The following TMCO4 variants were observed in gnomAD, a reference collection of about 807,000 sequenced individuals.
TMCO4 encodes transmembrane and coiled-coil domains 4.
TMCO4 carries 58 observed loss-of-function variants against 64.7 expected under a neutral mutation model. That is an observed-to-expected ratio of 0.90 (90% CI 0.73 to 1.12). The LOEUF is 1.12. Among genes scored for constraint, TMCO4 ranks in the 50% most tolerant of loss-of-function variants. The pLI is 0.00. For missense variants in TMCO4, 780 were observed against 825.9 expected (o/e 0.94, Z 0.68); for synonymous variants, 325 against 346.1 (o/e 0.94, Z 0.68).
intron 5 of TMCO4, 74 bp downstream of exon 5, chr1:19,771,234 T>C: frequency 1.3e-6 from 2 of 1,529,708 alleles, no homozygotes; most frequent in East Asian, 2.3e-5. Flanking sequence ...CTAGAAGTGA[T>C]TTTTTAGGCT....
At chr1:19,780,324 C>A (rs1211237576) in intron 4 of TMCO4, among the ~76,000 whole-genome samples, 1 of 152,144 alleles carries the variant, frequency 6.6e-6, no homozygotes, top group African/African-American at 2.4e-5. Flanking sequence ...TCATAAAATG[C>A]TTAGAACAGG....
At chr1:19,767,203 A>C (rs1046103565) in intron 6 of TMCO4, among the ~76,000 whole-genome samples, 1 of 152,110 alleles carries the variant, frequency 6.6e-6, no homozygotes, top group African/African-American at 2.4e-5. Flanking sequence ...TTAGGCAATT[A>C]CTTCACTTCT....
At chr1:19,705,832 C>T (rs1019857473) in intron 13 of TMCO4, among the ~76,000 whole-genome samples, 1 of 151,902 alleles carries the variant, frequency 6.6e-6, no homozygotes, top group Non-Finnish European at 1.5e-5. Context: ...TGGTTCAAAA[C>T]CTTATAATAC....
intron 3 of TMCO4, among the ~76,000 whole-genome samples, chr1:19,781,004 G>C (rs2043446400): frequency 6.6e-6 from 1 of 152,002 alleles, no homozygotes; most frequent in Non-Finnish European, 1.5e-5. Context: ...ACTAACTCCA[G>C]TAAGTCATTA....
intron 12 of TMCO4, chr1:19,738,485 A>G (rs1001593768): frequency 2.0e-5 from 3 of 152,270 alleles, no homozygotes; most frequent in African/African-American, 7.2e-5. Flanking sequence ...GAGCTGTAAA[A>G]TAGTACATTT....
At chr1:19,788,233 C>T (rs2043842454) in intron 2 of TMCO4, among the ~76,000 whole-genome samples, 1 of 152,162 alleles carries the variant, frequency 6.6e-6, no homozygotes, top group East Asian at 1.9e-4. Flanking sequence ...TGAGTCCAAT[C>T]GTGTTAAAGC....
chr1:19,713,050 G>C (rs1352208310), intron 13 of TMCO4, among the ~76,000 whole-genome samples: 1 of 152,152 alleles, frequency 6.6e-6, no homozygotes, highest in African/African-American at 2.4e-5. Context: ...CTAGGAGAGA[G>C]TGGAATTCAC....
At chr1:19,733,318 T>C (rs372885242) in intron 13 of TMCO4, among the ~76,000 whole-genome samples, 31 of 152,220 alleles carry the variant, frequency 2.0e-4, no homozygotes, top group East Asian at 1.9e-3. Context: ...GTGGTGCCCA[T>C]GTTAAAAGGA....
intron 9 of TMCO4, 137 bp downstream of exon 9, chr1:19,746,319 G>T (rs2100880361): frequency 7.6e-7 from 1 of 1,320,468 alleles, no homozygotes; most frequent in Non-Finnish European, 1.0e-6. Context: ...GGAAGGCTGG[G>T]ACCCAGAGTG....
intron 13 of TMCO4, among the ~76,000 whole-genome samples, chr1:19,709,223 T>C (rs770829480): frequency 5.1e-4 from 78 of 151,900 alleles, no homozygotes; most frequent in Admixed American, 3.9e-4. Flanking sequence ...TCATCTCTCC[T>C]CTTTGATTCC....
At chr1:19,709,038 C>A (rs888886441) in intron 13 of TMCO4, among the ~76,000 whole-genome samples, 1 of 151,936 alleles carries the variant, frequency 6.6e-6, no homozygotes, top group African/African-American at 2.4e-5. Flanking sequence ...ATGATAGACA[C>A]GTAGAGAGAG....
chr1:19,737,668 G>A (rs2095461575), intron 12 of TMCO4, among the ~76,000 whole-genome samples: 1 of 152,248 alleles, frequency 6.6e-6, no homozygotes, highest in Non-Finnish European at 1.5e-5. Flanking sequence ...GCTGGAATTG[G>A]CTTCCTCCAA....
chr1:19,747,056 GCCACCT>G, intron 8 of TMCO4, 101 bp downstream of exon 8: 1 of 1,134,136 alleles, frequency 8.8e-7, no homozygotes, highest in Non-Finnish European at 1.3e-6. Flanking sequence ...CATGCCAGGG[GCCACCT>G]CCCAGCTGAG....
chr1:19,700,546 C>A (rs1020623555), intron 14 of TMCO4, among the ~76,000 whole-genome samples: 7 of 147,588 alleles, frequency 4.7e-5, no homozygotes, highest in African/African-American at 1.5e-4. Flanking sequence ...GAAACATCTT[C>A]TCAGAATCCA....
chr1:19,734,780 G>A lies in TMCO4; in HGVS notation c.1264+2592C>T, dbSNP rs1349943074. On this transcript the variant is annotated intron_variant, in intron 13 of 15. Transcript: ENST00000294543. This position sits in a 1 kb window ranked among gnomAD's most constrained non-coding sequence, Gnocchi z 4.4. ...TGAGGGCTCCAGGGCCAGACTCCCT[G>A]GGCCTGAATCCTGGCTCTGGCACTT... Among the ~76,000 whole-genome samples, 2 of 152,114 alleles carry A rather than the reference G, an allele frequency of 1.3e-5. No individual in the cohort carries two copies. Among genetic ancestry groups the A allele is most frequent in the African/African-American group, 2.4e-5 (1 of 41,416 alleles).
chr1:19,697,270 C>T (rs1421962263), intron 14 of TMCO4, among the ~76,000 whole-genome samples: 2 of 152,140 alleles, frequency 1.3e-5, no homozygotes, highest in Non-Finnish European at 2.9e-5. Context: ...TATATATATA[C>T]GTTTTGAGAC....
At chr1:19,687,258 A>G (rs1052504109) in intron 15 of TMCO4, among the ~76,000 whole-genome samples, 8 of 152,036 alleles carry the variant, frequency 5.3e-5, no homozygotes, top group Admixed American at 5.2e-4. Flanking sequence ...TGGCCTTTTA[A>G]ATTTTAAATG....
At chr1:19,754,078 A>G (rs1198944641) in intron 7 of TMCO4, among the ~76,000 whole-genome samples, 1 of 152,160 alleles carries the variant, frequency 6.6e-6, no homozygotes, top group Non-Finnish European at 1.5e-5. Context: ...ACAGGTGAGG[A>G]AGTTGAAGCT....
intron 6 of TMCO4, among the ~76,000 whole-genome samples, chr1:19,769,142 C>T (rs1160245604): frequency 1.3e-5 from 2 of 152,112 alleles, no homozygotes; most frequent in Admixed American, 1.3e-4. Context: ...CTGAAAGGGT[C>T]ACTGGAGACA....
Sources: allele counts gnomAD v4.1 joint callset (sites outside exome capture counted in the v4.1 genomes callset), GRCh38; gene constraint gnomAD v4.1.1; non-coding constraint Gnocchi (gnomAD v3.1); transcripts MANE v1.5; gene names NCBI Gene and HGNC (gene_info 2026-07-23, HGNC 2026-07-21).